Variants in BLTP1 observed in about 807,000 individuals in gnomAD.
BLTP1 encodes bridge-like lipid transfer protein family member 1, also known as fragile site-associated protein.
At chr4:122,314,397 T>C in the BLTP1 span, among the ~76,000 whole-genome samples, 1 of 152,102 alleles carries the variant, frequency 6.6e-6, no homozygotes, top group Non-Finnish European at 1.5e-5. Context: ...GACGACACTA[T>C]CAAAGGAACA....
At chr4:122,280,662 TAAAAAAAAAA>T in the BLTP1 span, among the ~76,000 whole-genome samples, 2 of 83,038 alleles carry the variant, frequency 2.4e-5, no homozygotes, top group East Asian at 7.7e-4. Context: ...AAATTCCATC[TAAAAAAAAAA>T]AAAAAAAAAA....
chr4:122,262,925 G>A, the BLTP1 span: 5 of 1,613,920 alleles, frequency 3.1e-6, no homozygotes, highest in African/African-American at 1.3e-5. Context: ...ACAACCTCCT[G>A]GAAGGTACTC....
the BLTP1 span, chr4:122,353,051 C>T: frequency 1.2e-6 from 2 of 1,613,802 alleles, no homozygotes; most frequent in Non-Finnish European, 1.7e-6. The surrounding 1 kb of genome is among the most constrained non-coding windows in gnomAD (Gnocchi z 4.3). Flanking sequence ...ATGACACTGG[C>T]ATGTTTTCAT....
the BLTP1 span, among the ~76,000 whole-genome samples, chr4:122,286,201 T>C: frequency 2.6e-5 from 4 of 152,200 alleles, no homozygotes; most frequent in Non-Finnish European, 5.9e-5. Flanking sequence ...TTTTTTTAAC[T>C]TGATTTTCTT....
the BLTP1 span, among the ~76,000 whole-genome samples, chr4:122,155,267 A>G: frequency 6.6e-6 from 1 of 152,014 alleles, no homozygotes; most frequent in Non-Finnish European, 1.5e-5. Context: ...ATATTATTTT[A>G]GTTGGTAAAG....
the BLTP1 span, among the ~76,000 whole-genome samples, chr4:122,296,262 A>G: frequency 6.6e-6 from 1 of 152,202 alleles, no homozygotes; most frequent in Admixed American, 6.5e-5. Context: ...TAGCATTCCT[A>G]TACACCAATA....
chr4:122,362,191 G>C, the BLTP1 span: 1 of 1,613,246 alleles, frequency 6.2e-7, no homozygotes, highest in Non-Finnish European at 8.5e-7. Flanking sequence ...CAAAAAGCTC[G>C]GTACTGCACT....
chr4:122,208,143 T>C, the BLTP1 span: 4 of 968,140 alleles, frequency 4.1e-6, no homozygotes, highest in South Asian at 9.5e-5. Context: ...TAGCAACATA[T>C]AGAAACAGCT....
At chr4:122,305,069 A>G in the BLTP1 span, 2 of 1,303,998 alleles carry the variant, frequency 1.5e-6, no homozygotes, top group African/African-American at 1.5e-5. Context: ...GTATTATTAT[A>G]TTTACAAAAA....
At chr4:122,247,418 G>A in the BLTP1 span, 1 of 1,577,328 alleles carries the variant, frequency 6.3e-7, no homozygotes. Flanking sequence ...TGATTTTGCA[G>A]AAGGGAACAT....
At chr4:122,335,717 T>G in the BLTP1 span, among the ~76,000 whole-genome samples, 1 of 152,102 alleles carries the variant, frequency 6.6e-6, no homozygotes, top group African/African-American at 2.4e-5. Context: ...GCTAACTAAG[T>G]CTTAGATGTT....
the BLTP1 span, among the ~76,000 whole-genome samples, chr4:122,326,451 T>G: frequency 6.6e-6 from 1 of 151,766 alleles, no homozygotes; most frequent in African/African-American, 2.4e-5. Context: ...ATATTTTGTT[T>G]CCCTTTTGTC....
the BLTP1 span, chr4:122,198,548 C>T: frequency 6.4e-5 from 41 of 640,512 alleles, no homozygotes; most frequent in Non-Finnish European, 7.2e-5. Flanking sequence ...TACTGGTACA[C>T]TGGAGTAAAG....
the BLTP1 span, among the ~76,000 whole-genome samples, chr4:122,320,692 A>G: frequency 1.3e-5 from 2 of 152,112 alleles, no homozygotes; most frequent in Non-Finnish European, 2.9e-5. Context: ...ATGCTTAAAT[A>G]TGTATATATA....
chr4:122,197,697 C>T, the BLTP1 span, among the ~76,000 whole-genome samples: 2 of 151,994 alleles, frequency 1.3e-5, no homozygotes, highest in Admixed American at 6.5e-5. Flanking sequence ...TAGTAGATTT[C>T]GTCAGGGAGT....
chr4:122,254,257 T>C, the BLTP1 span: 1 of 1,613,206 alleles, frequency 6.2e-7, no homozygotes, highest in Middle Eastern at 1.7e-4. Context: ...CTCCTCCAGA[T>C]TCATGTAGCA....
the BLTP1 span, among the ~76,000 whole-genome samples, chr4:122,334,047 G>T: frequency 2.6e-5 from 4 of 151,958 alleles, no homozygotes; most frequent in African/African-American, 9.7e-5. Flanking sequence ...ATTGATATTC[G>T]TAACAAACTT....
At chr4:122,298,205 C>A in the BLTP1 span, 1 of 895,752 alleles carries the variant, frequency 1.1e-6, no homozygotes, top group Non-Finnish European at 1.3e-6. Flanking sequence ...ATAGATAAGA[C>A]AGCTAACTTT....
At chr4:122,283,205 TAATC>T in the BLTP1 span, among the ~76,000 whole-genome samples, 4 of 152,228 alleles carry the variant, frequency 2.6e-5, no homozygotes, top group Non-Finnish European at 4.4e-5. Flanking sequence ...TAATCTATCT[TAATC>T]AATTATTATT....
Sources: gnomAD v4.1 joint callset for allele counts (sites outside exome capture counted in the v4.1 genomes callset) on GRCh38, gnomAD v4.1.1 for gene constraint, Gnocchi (gnomAD v3.1) non-coding constraint, MANE v1.5 for transcripts, NCBI Gene and HGNC (gene_info 2026-07-23, HGNC 2026-07-21) for gene names.